CTNND2: variants seen among roughly 807,000 people sequenced by gnomAD.
CTNND2 encodes the protein catenin delta-2.
CTNND2 carries 22 observed loss-of-function variants against 144.4 expected under a neutral mutation model. The observed-to-expected ratio is 0.15, with a 90% CI of 0.11 to 0.22. The LOEUF is 0.22. Among genes scored for constraint, CTNND2 ranks in the 10% least tolerant of loss-of-function variants. The pLI, the probability that CTNND2 is intolerant of heterozygous loss-of-function variation, is 1.00. For missense variants in CTNND2, 1,353 were observed against 1,618.8 expected (o/e 0.84, Z 2.82); for synonymous variants, 751 against 695.6 (o/e 1.08, Z -1.25).
rs77951538 is a variant in CTNND2 at position 11,505,295 on chromosome 5, C to T, written c.287+59649G>A. ...TTAAAGACGCCAAAACTAGAAATGG[C>T]TGAGGCCATATCATGGGTGGAGTTT... is the stretch of plus-strand genomic sequence containing the variant. On this transcript the variant is annotated intron_variant, in intron 3 of 21. Transcript: ENST00000304623. 4.6e-5 allele frequency among the ~76,000 whole-genome samples: 7 copies of T among 151,896 alleles called. No individual in the cohort carries two copies. The East Asian group carries it at 1.4e-3, about 30-fold the overall frequency.
chr5:10,973,496 T>A lies in CTNND2; in HGVS notation c.3635A>T (p.Tyr1212Phe), dbSNP rs751377024. The A allele has an allele frequency of 6.2e-7, 1 of 1,606,162 alleles. No individual in the cohort carries two copies. The highest frequency in any genetic ancestry group is 8.5e-7 in the Non-Finnish European group (1 of 1,175,542). ...GGAGGCCGGGTAGTGGCTCGTTTCA[T>A]AGTTCAGTTCACTGTAGGGACGGGC... Reference protein sequence around the residue: ...SAARPYSELNYETSHYPASPD... With the variant: ...SAARPYSELNFETSHYPASPD... The change falls in exon 22 of 22, where the codon TAT (tyrosine) becomes TTT (phenylalanine). Residue 1212 changes from tyrosine (Y) to phenylalanine (F), a missense_variant. Tyr to Phe is a conservative substitution (Grantham distance 22, BLOSUM62 3). Around this residue, in one of 4 missense-constraint regions of CTNND2, gnomAD observed 459 missense variants for 674.3 expected, o/e 0.68. Transcript: ENST00000304623. The surrounding 1 kb of genome is among the most constrained non-coding windows in gnomAD (Gnocchi z 5.6).
chr5:11,798,017 G>A (rs1018904692), intron 1 of CTNND2, among the ~76,000 whole-genome samples: 1 of 152,040 alleles, frequency 6.6e-6, no homozygotes, highest in African/African-American at 2.4e-5. Flanking sequence ...TAGCATTTTG[G>A]GAGGCCAAGG....
intron 3 of CTNND2, among the ~76,000 whole-genome samples, chr5:11,446,089 A>T (rs1385869038): frequency 6.6e-6 from 1 of 152,280 alleles, no homozygotes; most frequent in African/African-American, 2.4e-5. Flanking sequence ...CTCATGCTTC[A>T]GCCCCCTGAA....
intron 2 of CTNND2, among the ~76,000 whole-genome samples, chr5:11,572,456 C>T (rs1011060346): frequency 6.6e-6 from 1 of 152,168 alleles, no homozygotes; most frequent in South Asian, 2.1e-4. Context: ...TGGGCCTTTA[C>T]AGAAGCATTT....
chr5:11,057,761 T>C (rs10042158), intron 16 of CTNND2, among the ~76,000 whole-genome samples: 7,089 of 152,252 alleles, frequency 0.047, 223 homozygotes, highest in African/African-American at 0.076. Flanking sequence ...ATGGGAAAGT[T>C]TGGAACTTCC....
chr5:11,687,649 A>G (rs1784717237), intron 2 of CTNND2, among the ~76,000 whole-genome samples: 1 of 152,176 alleles, frequency 6.6e-6, no homozygotes. Flanking sequence ...ACACACAGAT[A>G]ATATCTGTAG....
chr5:11,227,249 C>A (rs551234605), intron 10 of CTNND2, among the ~76,000 whole-genome samples: 18 of 152,330 alleles, frequency 1.2e-4, no homozygotes, highest in African/African-American at 4.1e-4. Flanking sequence ...CTGCTCTGTG[C>A]TGGCAGTCTA....
At chr5:11,021,875 G>A (rs1742293188) in intron 17 of CTNND2, among the ~76,000 whole-genome samples, 1 of 152,110 alleles carries the variant, frequency 6.6e-6, no homozygotes, top group Non-Finnish European at 1.5e-5. Flanking sequence ...ATAACAAAAT[G>A]TTTACCCTTT....
intron 21 of CTNND2, among the ~76,000 whole-genome samples, chr5:10,978,873 C>T (rs934536332): frequency 7.3e-4 from 111 of 152,288 alleles, no homozygotes; most frequent in African/African-American, 2.1e-3. Context: ...CTTAAATGCT[C>T]GGGATCTGCT....
intron 8 of CTNND2, among the ~76,000 whole-genome samples, chr5:11,362,901 A>AC (rs1561279564): frequency 6.6e-6 from 1 of 152,210 alleles, no homozygotes; most frequent in Non-Finnish European, 1.5e-5. Context: ...CGGGCACTCC[A>AC]CTCTGCCCCT....
chr5:11,560,240 T>C lies in CTNND2; in HGVS notation c.287+4704A>G, dbSNP rs79100128. On this transcript the variant is annotated intron_variant, in intron 3 of 21. Coordinates refer to ENST00000304623, the MANE Select transcript of CTNND2 (RefSeq NM_001332.4). Reference sequence around the variant, plus strand: ...TTGTCATAAATCATCATCATTTTCATCAGCATAAGTCTTCTAAGAGTTATG... The same window carrying C: ...TTGTCATAAATCATCATCATTTTCACCAGCATAAGTCTTCTAAGAGTTATG... Among the ~76,000 whole-genome samples the C allele has an allele frequency of 6.1e-3, 934 of 152,324 alleles. 10 individuals carry two copies. Among genetic ancestry groups the C allele is most frequent in the East Asian group, 0.031 (161 of 5,168 alleles).
intron 3 of CTNND2, among the ~76,000 whole-genome samples, chr5:11,511,141 G>C (rs1761535939): frequency 1.3e-5 from 2 of 152,078 alleles, no homozygotes; most frequent in African/African-American, 4.8e-5. Context: ...GAGTTGATTG[G>C]GGTAATTCTT....
At chr5:11,034,445 A>G (rs892168889) in intron 16 of CTNND2, among the ~76,000 whole-genome samples, 1 of 152,222 alleles carries the variant, frequency 6.6e-6, no homozygotes. Context: ...TAAAATTCTT[A>G]GTGTCCTCTT....
chr5:11,454,328 G>C (rs1765542451), intron 3 of CTNND2, among the ~76,000 whole-genome samples: 1 of 152,096 alleles, frequency 6.6e-6, no homozygotes, highest in Non-Finnish European at 1.5e-5. Context: ...GTTGAGGCAG[G>C]AGAATCGCTT....
intron 9 of CTNND2, among the ~76,000 whole-genome samples, chr5:11,273,275 C>G (rs1285436108): frequency 6.6e-6 from 1 of 152,074 alleles, no homozygotes; most frequent in East Asian, 1.9e-4. Context: ...TTATATGTAC[C>G]TGTCAAATCA....
chr5:11,877,065 AG>A (rs1208554808), intron 1 of CTNND2, among the ~76,000 whole-genome samples: 1 of 152,126 alleles, frequency 6.6e-6, no homozygotes, highest in Non-Finnish European at 1.5e-5. Flanking sequence ...TGCTGTTAGC[AG>A]ATATTCTTTT....
intron 11 of CTNND2, among the ~76,000 whole-genome samples, chr5:11,170,029 C>T (rs1759743577): frequency 6.6e-6 from 1 of 152,104 alleles, no homozygotes; most frequent in East Asian, 1.9e-4. Context: ...TGTTAATCAC[C>T]TGCATGTATT....
chr5:11,673,057 A>G (rs897232782), intron 2 of CTNND2, among the ~76,000 whole-genome samples: 1 of 152,120 alleles, frequency 6.6e-6, no homozygotes, highest in Non-Finnish European at 1.5e-5. Context: ...AAACTAATAT[A>G]AAGTCCACAA....
chr5:11,065,226 G>C (rs1323618754), intron 16 of CTNND2, among the ~76,000 whole-genome samples: 1 of 152,196 alleles, frequency 6.6e-6, no homozygotes, highest in Non-Finnish European at 1.5e-5. Context: ...TCCCACGGGT[G>C]CCTAATAACT....
Sources: gnomAD v4.1 joint callset for allele counts (sites outside exome capture counted in the v4.1 genomes callset) on GRCh38, gnomAD v4.1.1 for gene constraint, gnomAD v4.1.1 regional missense constraint, Gnocchi (gnomAD v3.1) non-coding constraint, MANE v1.5 for transcripts, NCBI Gene and HGNC (gene_info 2026-07-23, HGNC 2026-07-21) for gene names.